MAGI2: variants seen among roughly 807,000 people sequenced by gnomAD.
MAGI2 encodes membrane associated guanylate kinase, WW and PDZ domain containing 2, also known as membrane-associated guanylate kinase, WW and PDZ domain-containing protein 2.
A neutral mutation model predicts 133.3 loss-of-function variants in MAGI2; 35 were observed. That is an observed-to-expected ratio of 0.26 (90% CI 0.20 to 0.35). MAGI2 has a LOEUF of 0.35. Ranked by LOEUF, MAGI2 falls within the 10% of genes least tolerant of loss-of-function variation. The probability of loss-of-function intolerance (pLI) is 1.00; values close to 1 mark genes in which losing one functional copy is unlikely to be tolerated. For missense variants in MAGI2, 1,636 were observed against 1,863.4 expected (o/e 0.88, Z 2.25); for synonymous variants, 729 against 710.6 (o/e 1.03, Z -0.41).
intron 1 of MAGI2, among the ~76,000 whole-genome samples, chr7:79,201,825 A>G (rs1393158270): frequency 6.6e-6 from 1 of 151,984 alleles, no homozygotes; most frequent in African/African-American, 2.4e-5. Flanking sequence ...AGTTCAAATT[A>G]TGTTTGGATT....
chr7:79,204,988 T>C (rs916508337), intron 1 of MAGI2, among the ~76,000 whole-genome samples: 1 of 151,452 alleles, frequency 6.6e-6, no homozygotes, highest in Non-Finnish European at 1.5e-5. Flanking sequence ...TGAAACATCA[T>C]CAAAAGAGCA....
intron 2 of MAGI2, among the ~76,000 whole-genome samples, chr7:78,958,281 T>C (rs1052700341): frequency 5.9e-5 from 9 of 151,960 alleles, no homozygotes; most frequent in African/African-American, 1.2e-4. Context: ...CATGGTGGAG[T>C]GCTTACATCC....
At chr7:79,359,669 A>AACAC (rs59414419) in intron 1 of MAGI2, among the ~76,000 whole-genome samples, 5,641 of 140,046 alleles carry the variant, frequency 0.04, 153 homozygotes, top group East Asian at 0.16. Flanking sequence ...TCAAGTGGGA[A>AACAC]ACACACACAC....
intron 1 of MAGI2, among the ~76,000 whole-genome samples, chr7:79,186,714 T>TTTATACAAAAGTATATATAG (rs1827179414): frequency 6.9e-6 from 1 of 145,536 alleles, no homozygotes; most frequent in African/African-American, 2.5e-5. Flanking sequence ...AGTATATATA[T>TTTATACAAAAGTATATATAG]ATATTTATAC....
At chr7:78,331,807 C>T (rs1164482207) in intron 9 of MAGI2, among the ~76,000 whole-genome samples, 1 of 152,166 alleles carries the variant, frequency 6.6e-6, no homozygotes, top group Non-Finnish European at 1.5e-5. Context: ...CGAGTAGAGG[C>T]CCCATCTATA....
At chr7:78,069,408 G>A (rs1015369657) in intron 21 of MAGI2, among the ~76,000 whole-genome samples, 2 of 152,098 alleles carry the variant, frequency 1.3e-5, no homozygotes, top group Non-Finnish European at 2.9e-5. Flanking sequence ...TGGAGAGCGA[G>A]AGGGAATGCA....
chr7:78,957,737 A>G (rs527777670), intron 2 of MAGI2, among the ~76,000 whole-genome samples: 1 of 152,262 alleles, frequency 6.6e-6, no homozygotes, highest in East Asian at 1.9e-4. Flanking sequence ...CAGCCAGTCA[A>G]TGGTATGGTC....
chr7:78,612,667 A>C (rs538984358), intron 3 of MAGI2, among the ~76,000 whole-genome samples: 3 of 151,714 alleles, frequency 2.0e-5, no homozygotes, highest in African/African-American at 7.3e-5. Context: ...ATCACATTTT[A>C]TTTTTTTTAA....
At chr7:78,080,267 TAAAG>T (rs1309710553) in intron 20 of MAGI2, among the ~76,000 whole-genome samples, 2 of 152,234 alleles carry the variant, frequency 1.3e-5, no homozygotes, top group Non-Finnish European at 2.9e-5. Context: ...GTAATGAAGG[TAAAG>T]ACCTTCCTTT....
chr7:78,922,820 G>T (rs1799368640), intron 2 of MAGI2, among the ~76,000 whole-genome samples: 1 of 150,388 alleles, frequency 6.6e-6, no homozygotes, highest in African/African-American at 2.4e-5. Flanking sequence ...CAGTGTAAAA[G>T]TGTTCCTATT....
intron 6 of MAGI2, among the ~76,000 whole-genome samples, chr7:78,407,653 A>G: frequency 1.4e-5 from 1 of 73,964 alleles, no homozygotes; most frequent in South Asian, 3.6e-4. Context: ...AGCTTCTTCT[A>G]CTTTTTTTTT....
intron 1 of MAGI2, among the ~76,000 whole-genome samples, chr7:79,244,084 T>C (rs1355804767): frequency 6.6e-6 from 1 of 152,238 alleles, no homozygotes; most frequent in Non-Finnish European, 1.5e-5. Context: ...GTATAAGTAA[T>C]GCACACTAAC....
chr7:78,998,367 C>A (rs11979391), intron 2 of MAGI2, among the ~76,000 whole-genome samples: 1,843 of 152,114 alleles, frequency 0.012, 40 homozygotes, highest in African/African-American at 0.042. Flanking sequence ...AATCAGAAAA[C>A]CACAGGATTT....
intron 2 of MAGI2, among the ~76,000 whole-genome samples, chr7:78,831,861 C>G (rs1488315993): frequency 6.6e-6 from 1 of 152,100 alleles, no homozygotes; most frequent in Admixed American, 6.5e-5. Flanking sequence ...TTTAAACACT[C>G]TCTGAAAAGA....
chr7:78,040,992 T>G (rs1311137801), intron 21 of MAGI2, among the ~76,000 whole-genome samples: 1 of 152,158 alleles, frequency 6.6e-6, no homozygotes, highest in Non-Finnish European at 1.5e-5. Flanking sequence ...ACCAGCACTT[T>G]GTTGAATGCT....
intron 2 of MAGI2, among the ~76,000 whole-genome samples, chr7:78,784,351 C>G (rs998933192): frequency 7.2e-5 from 11 of 152,106 alleles, no homozygotes; most frequent in African/African-American, 2.7e-4. Flanking sequence ...TTCTCTTCCC[C>G]TCCTGTCTCT....
At chr7:79,410,109 C>T (rs1275540944) in intron 1 of MAGI2, 2 of 152,022 alleles carry the variant, frequency 1.3e-5, no homozygotes. Context: ...CTACTACTAG[C>T]TCTATGTAAT....
At chr7:78,267,502 A>G (rs1794135824) in intron 9 of MAGI2, among the ~76,000 whole-genome samples, 1 of 152,164 alleles carries the variant, frequency 6.6e-6, no homozygotes, top group Admixed American at 6.6e-5. Flanking sequence ...GCAATATTTT[A>G]TACAAGTATC....
At chr7:78,767,777 C>T (rs952670301) in intron 2 of MAGI2, among the ~76,000 whole-genome samples, 9 of 152,154 alleles carry the variant, frequency 5.9e-5, no homozygotes, top group African/African-American at 1.2e-4. Context: ...AGGCATCTTA[C>T]GAATAACTAA....
Sources: allele counts gnomAD v4.1 joint callset (sites outside exome capture counted in the v4.1 genomes callset), GRCh38; gene constraint gnomAD v4.1.1; transcripts MANE v1.5; gene names NCBI Gene and HGNC (gene_info 2026-07-23, HGNC 2026-07-21).